CDK6: variants seen among roughly 807,000 people sequenced by gnomAD.
CDK6 encodes the protein cyclin dependent kinase 6, also known as cyclin-dependent kinase 6.
CDK6 carries 6 observed loss-of-function variants against 37.1 expected under a neutral mutation model. That is an observed-to-expected ratio of 0.16 (90% CI 0.09 to 0.32). The LOEUF is 0.32. CDK6 is among the 10% of genes least tolerant of loss of function. The pLI is 1.00. For missense variants in CDK6, 224 were observed against 418.9 expected, an observed-to-expected ratio of 0.53 and a Z score of 4.06; for synonymous variants, 160 against 161.3, an observed-to-expected ratio of 0.99 and a Z score of 0.06.
intron 5 of CDK6, among the ~76,000 whole-genome samples, chr7:92,660,827 G>A (rs1282070250): frequency 6.6e-6 from 1 of 152,186 alleles, no homozygotes; most frequent in Non-Finnish European, 1.5e-5. Context: ...AAAAGGGAAG[G>A]TAAGAGAAGC....
intron 3 of CDK6, among the ~76,000 whole-genome samples, chr7:92,760,533 TA>T (rs1799428224): frequency 6.6e-6 from 1 of 152,300 alleles, no homozygotes; most frequent in Non-Finnish European, 1.5e-5. Context: ...AGATGTATGC[TA>T]AAACAGCCTT....
At chr7:92,695,263 C>A (rs577434315) in intron 4 of CDK6, among the ~76,000 whole-genome samples, 5 of 143,418 alleles carry the variant, frequency 3.5e-5, no homozygotes, top group African/African-American at 1.1e-4. Flanking sequence ...GATTAAGGGA[C>A]CCTGAGGTAA....
intron 5 of CDK6, among the ~76,000 whole-genome samples, chr7:92,652,080 GTTAT>G (rs1796587980): frequency 6.6e-6 from 1 of 152,158 alleles, no homozygotes; most frequent in South Asian, 2.1e-4. Context: ...TTGATAGATT[GTTAT>G]TTATTAAGCA....
intron 2 of CDK6, among the ~76,000 whole-genome samples, chr7:92,797,362 A>G (rs1255325041): frequency 6.6e-6 from 1 of 152,210 alleles, no homozygotes; most frequent in African/African-American, 2.4e-5. Flanking sequence ...CTTGACATGT[A>G]CAGTTTTTAC....
chr7:92,774,399 G>C (rs1488829661), intron 3 of CDK6, among the ~76,000 whole-genome samples: 1 of 152,060 alleles, frequency 6.6e-6, no homozygotes, highest in Non-Finnish European at 1.5e-5. Context: ...TAAGGTCTAA[G>C]ACAATCTACA....
rs186516128 is a variant in CDK6 at position 92,778,420 on chromosome 7, A to G, written c.234-3589T>C. ...TTATTCCAATAAAGTAAAAACTCTT[A>G]ACAGATTTATTAAAGATAGTACCAT... On this transcript the variant is annotated intron_variant, in intron 2 of 7. Coordinates refer to ENST00000424848, the MANE Select transcript of CDK6 (RefSeq NM_001145306.2). Among the ~76,000 whole-genome samples, 304 of 152,344 alleles carry G rather than the reference A, an allele frequency of 2.0e-3. 1 individual carries two copies. Among genetic ancestry groups the G allele is most frequent in the African/African-American group, 7.0e-3 (292 of 41,586 alleles).
chr7:92,673,297 G>A (rs557976377), intron 4 of CDK6, among the ~76,000 whole-genome samples: 1 of 152,208 alleles, frequency 6.6e-6, no homozygotes, highest in Non-Finnish European at 1.5e-5. Context: ...ACCGTTTTAA[G>A]TCTTTAGATG....
rs533721255 is a variant in CDK6, at chr7:92,824,388, G to C, written c.233+8703C>G. 1.2e-4 allele frequency among the ~76,000 whole-genome samples: 18 copies of C among 152,166 alleles called. No homozygotes were observed. The South Asian group carries it at 3.7e-3, about 32-fold the overall frequency. Reference sequence around the variant, plus strand: ...ATAAAAGAAAGAAAGAACAAGCAAAGAATCCAACTCCTCTTTGGGTTAATT... The same window carrying C: ...ATAAAAGAAAGAAAGAACAAGCAAACAATCCAACTCCTCTTTGGGTTAATT... On this transcript the variant is annotated intron_variant, in intron 2 of 7. Coordinates refer to ENST00000424848, the MANE Select transcript of CDK6 (RefSeq NM_001145306.2).
At chr7:92,726,234 T>TA (rs960359182) in intron 3 of CDK6, among the ~76,000 whole-genome samples, 5 of 152,170 alleles carry the variant, frequency 3.3e-5, no homozygotes, top group African/African-American at 1.2e-4. Context: ...CACCTAGTAC[T>TA]AAACACTCAC....
intron 2 of CDK6, among the ~76,000 whole-genome samples, chr7:92,814,692 AT>A (rs1300273945): frequency 6.6e-6 from 1 of 152,008 alleles, no homozygotes; most frequent in African/African-American, 2.4e-5. Flanking sequence ...AAATAAACCC[AT>A]AATTACAAAA....
At chr7:92,779,089 G>C (rs1799922970) in intron 2 of CDK6, among the ~76,000 whole-genome samples, 1 of 152,034 alleles carries the variant, frequency 6.6e-6, no homozygotes, top group Non-Finnish European at 1.5e-5. Flanking sequence ...AACCCTGGCA[G>C]TATGCCCTGT....
At position 92,773,608 on chromosome 7, in the gene CDK6, T is replaced by C. The variant is rs574212743; in HGVS notation, c.369+1088A>G. ...CAGGTAACTATCAGGCATACCTACA[T>C]TTGGAGGGCCTTAATGTCCTTGAAA... is the stretch of plus-strand genomic sequence containing the variant. On this transcript the variant is annotated intron_variant, in intron 3 of 7. Coordinates refer to ENST00000424848, the MANE Select transcript of CDK6 (RefSeq NM_001145306.2). Among the ~76,000 whole-genome samples the C allele has an allele frequency of 1.1e-4, 17 of 152,268 alleles. No homozygotes were observed. In the South Asian group the frequency reaches 3.5e-3, roughly 32 times the overall value.
intron 2 of CDK6, among the ~76,000 whole-genome samples, chr7:92,815,056 G>A (rs1020612729): frequency 2.6e-5 from 4 of 152,162 alleles, no homozygotes; most frequent in African/African-American, 9.7e-5. Flanking sequence ...TGGACTACGA[G>A]TCAACAGGTG....
chr7:92,780,561 C>T (rs751598970), intron 2 of CDK6, among the ~76,000 whole-genome samples: 1 of 151,834 alleles, frequency 6.6e-6, no homozygotes, highest in Non-Finnish European at 1.5e-5. Context: ...GAGATCGAGA[C>T]CAACCTGGCT....
At chr7:92,643,035 T>C (rs915157683) in intron 5 of CDK6, among the ~76,000 whole-genome samples, 4 of 151,980 alleles carry the variant, frequency 2.6e-5, no homozygotes, top group Non-Finnish European at 5.9e-5. Context: ...GCTGGGACTA[T>C]AGGCATGTAC....
intron 4 of CDK6, among the ~76,000 whole-genome samples, chr7:92,723,373 A>G (rs1430947651): frequency 6.6e-6 from 1 of 152,168 alleles, no homozygotes; most frequent in East Asian, 1.9e-4. Context: ...ACATTCCACA[A>G]ATTAAGTTGA....
At chr7:92,788,505 T>G (rs773352257) in intron 2 of CDK6, among the ~76,000 whole-genome samples, 2 of 152,228 alleles carry the variant, frequency 1.3e-5, no homozygotes, top group African/African-American at 2.4e-5. Flanking sequence ...AACATTTTCT[T>G]GACTTTTTAA....
intron 5 of CDK6, among the ~76,000 whole-genome samples, chr7:92,644,361 T>G (rs144648334): frequency 6.0e-4 from 91 of 152,302 alleles, no homozygotes; most frequent in African/African-American, 2.0e-3. Context: ...GGAATATTTT[T>G]GAGGTTTAGA....
Position 92,708,929 on chromosome 7 carries a change from C to T in CDK6, c.537+16697G>A, listed in dbSNP as rs1031590975. On this transcript the variant is annotated intron_variant, in intron 4 of 7. Coordinates refer to ENST00000424848, the MANE Select transcript of CDK6 (RefSeq NM_001145306.2). ...ACTATGTTCTGAGCATGTGTCAGGA[C>T]ACATCCACAACAGTACAGTATGAAG... Among the ~76,000 whole-genome samples, 3 of 152,304 alleles carry T rather than the reference C, an allele frequency of 2.0e-5. No homozygotes were observed. In the South Asian group the frequency reaches 6.2e-4, roughly 32 times the overall value.
Sources: allele counts gnomAD v4.1 joint callset (sites outside exome capture counted in the v4.1 genomes callset), GRCh38; gene constraint gnomAD v4.1.1; transcripts MANE v1.5; gene names NCBI Gene and HGNC (gene_info 2026-07-23, HGNC 2026-07-21).